Variants in NEK4 observed in about 807,000 individuals in gnomAD.
NEK4 encodes the protein NIMA related kinase 4.
NEK4 carries 86 observed loss-of-function variants against 98.4 expected under a neutral mutation model. The ratio of observed to expected loss-of-function variants is 0.87; its 90% CI spans 0.73 to 1.05. The LOEUF is 1.05. NEK4 is among the 50% of genes least tolerant of loss of function. NEK4 has a pLI of 0.00. For synonymous variants in NEK4, 328 were observed against 342.2 expected (o/e 0.96, Z 0.46); for missense variants, 898 against 950.3 (o/e 0.94, Z 0.72).
intron 6 of NEK4, among the ~76,000 whole-genome samples, chr3:52,758,360 A>G (rs1056739875): frequency 6.6e-6 from 1 of 152,114 alleles, no homozygotes; most frequent in African/African-American, 2.4e-5. Context: ...ATTTAACACC[A>G]CTAAATTGTA....
chr3:52,752,073 C>A lies in NEK4; in HGVS notation c.1227G>T (p.Glu409Asp). The change falls in exon 7 of 16, where the codon GAG becomes GAT. Residue 409 changes from glutamate (E) to aspartate (D), a missense_variant. Transcript: ENST00000233027. Reference protein sequence around the residue: ...GICSISQVEEEMLQDNTKSSA... With the variant: ...GICSISQVEEDMLQDNTKSSA... ...TGGATTTAGTGTTGTCCTGCAGCAT[C>A]TCCTCTTCCACTTGAGAAATACTGC... 1 of 1,614,234 alleles carries A rather than the reference C, an allele frequency of 6.2e-7. No homozygotes were observed. The highest frequency in any genetic ancestry group is 8.5e-7 in the Non-Finnish European group (1 of 1,180,036).
chr3:52,762,363 CT>C (rs376952273), intron 5 of NEK4, among the ~76,000 whole-genome samples: 6 of 151,368 alleles, frequency 4.0e-5, no homozygotes, highest in Non-Finnish European at 8.9e-5. Flanking sequence ...CATATGCCCT[CT>C]TTTTTTTTAT....
intron 15 of NEK4, among the ~76,000 whole-genome samples, chr3:52,736,828 C>G (rs2097376770): frequency 6.6e-6 from 1 of 152,094 alleles, no homozygotes; most frequent in African/African-American, 2.4e-5. Flanking sequence ...AAAAAGAAAA[C>G]TACCAATATA....
intron 15 of NEK4, among the ~76,000 whole-genome samples, chr3:52,724,619 C>T (rs1373423193): frequency 6.6e-6 from 1 of 152,168 alleles, no homozygotes; most frequent in South Asian, 2.1e-4. Flanking sequence ...TCAGATTAAT[C>T]AAATTAATAG....
intron 8 of NEK4, among the ~76,000 whole-genome samples, chr3:52,748,623 T>C (rs957776065): frequency 4.5e-4 from 69 of 152,208 alleles, no homozygotes; most frequent in African/African-American, 1.3e-3. Context: ...AAAAAGACCA[T>C]TGAGCTTGGC....
At chr3:52,712,052 A>G (rs2097350916) in intron 15 of NEK4, among the ~76,000 whole-genome samples, 183 bp from the exon 16 acceptor site, 1 of 152,254 alleles carries the variant, frequency 6.6e-6, no homozygotes. Flanking sequence ...TAAGAAATTA[A>G]AGAGCAAACA....
chr3:52,755,674 T>C (rs2097414038), intron 6 of NEK4, among the ~76,000 whole-genome samples: 1 of 151,574 alleles, frequency 6.6e-6, no homozygotes, highest in Non-Finnish European at 1.5e-5. Context: ...AATATAGTAC[T>C]AGAAGTTCTA....
chr3:52,731,549 T>C (rs1052674105), intron 15 of NEK4, among the ~76,000 whole-genome samples: 2 of 152,128 alleles, frequency 1.3e-5, no homozygotes, highest in African/African-American at 4.8e-5. Context: ...GGTGAGAAAA[T>C]AGTCTTTGCA....
chr3:52,742,403 G>A (rs1339246228), intron 12 of NEK4, among the ~76,000 whole-genome samples: 1 of 151,984 alleles, frequency 6.6e-6, no homozygotes, highest in Non-Finnish European at 1.5e-5. Context: ...CTGTTAAAGT[G>A]CTTTAAAGGA....
chr3:52,728,561 T>G (rs527770430), intron 15 of NEK4, among the ~76,000 whole-genome samples: 1 of 152,212 alleles, frequency 6.6e-6, no homozygotes, highest in Non-Finnish European at 1.5e-5. Flanking sequence ...ACTGTACAAA[T>G]TGATTGTAAA....
chr3:52,724,196 G>A (rs1038959451), intron 15 of NEK4, among the ~76,000 whole-genome samples: 2 of 148,576 alleles, frequency 1.3e-5, no homozygotes, highest in African/African-American at 2.6e-5. Context: ...TGGCGCCACC[G>A]CACTCCACCC....
In NEK4 at chr3:52,711,102, A is replaced by T. The variant is rs1306410060; in HGVS notation, c.*675T>A. 1 of 152,666 alleles carries T rather than the reference A, an allele frequency of 6.6e-6. No homozygotes were observed. The highest frequency in any genetic ancestry group is 1.5e-5 in the Non-Finnish European group (1 of 68,036). The allele number at this position is 152,666 out of a possible 1,614,324, so 9.5% of individuals were successfully genotyped here. A position where few individuals can be genotyped will look rare whatever the true frequency, so the allele number is the denominator to read the frequency against. On this transcript the variant is annotated 3_prime_UTR_variant, in exon 16 of 16. Coordinates refer to ENST00000233027, the MANE Select transcript of NEK4 (RefSeq NM_003157.6). ...AAATGTTTTCACTGATGGAAAAATA[A>T]ATCTAACAAAACCATTATGTAAAAA...
chr3:52,724,396 A>G (rs2097362713), intron 15 of NEK4, among the ~76,000 whole-genome samples: 1 of 152,210 alleles, frequency 6.6e-6, no homozygotes, highest in African/African-American at 2.4e-5. Context: ...GCAGTGGGCT[A>G]ATATATTCAA....
intron 15 of NEK4, chr3:52,733,563 G>A: frequency 2.0e-6 from 1 of 509,236 alleles, no homozygotes; most frequent in Non-Finnish European, 3.9e-6. Flanking sequence ...TTGGTCAATT[G>A]CACGGCATCA....
At position 52,770,709 on chromosome 3, in the gene NEK4, C is replaced by T; in HGVS notation, c.38G>A (p.Gly13Asp). The T allele has an allele frequency of 6.3e-7, 1 of 1,578,140 alleles. No homozygotes were observed. Among genetic ancestry groups the T allele is most frequent in the South Asian group, 1.2e-5 (1 of 86,162 alleles). Residue 13 changes from glycine to aspartate, a missense_variant, in exon 1 of 16, where the codon GGC becomes GAC. Coordinates refer to ENST00000233027, the MANE Select transcript of NEK4 (RefSeq NM_003157.6). ...LAAYCYLRVV[G>D]KGSYGEVTLV... ...CGTCACCTCTCCATAGCTCCCCTTG[C>T]CCACGACCCGCAGGTAGCAGTAGGC...
At chr3:52,768,272 T>C in intron 2 of NEK4, 66 bp downstream of exon 2, 4 of 1,496,872 alleles carry the variant, frequency 2.7e-6, no homozygotes, top group Non-Finnish European at 3.6e-6. Context: ...AAAATTTTCC[T>C]AAAATACACC....
chr3:52,751,858 A>G (rs2097405697), intron 7 of NEK4, 74 bp downstream of exon 7: 3 of 1,377,488 alleles, frequency 2.2e-6, no homozygotes, highest in Admixed American at 2.1e-5. Flanking sequence ...AAATGACAAC[A>G]GAACCCACAT....
At chr3:52,731,458 G>C (rs567017102) in intron 15 of NEK4, among the ~76,000 whole-genome samples, 4 of 152,306 alleles carry the variant, frequency 2.6e-5, no homozygotes, top group African/African-American at 9.6e-5. Context: ...AGTGGCATAA[G>C]GATAGATATA....
chr3:52,750,125 T>C (rs907154751), intron 7 of NEK4, among the ~76,000 whole-genome samples: 1 of 152,214 alleles, frequency 6.6e-6, no homozygotes, highest in Non-Finnish European at 1.5e-5. Context: ...TGAAAATATA[T>C]GTCCACACAG....
Sources: allele counts gnomAD v4.1 joint callset (sites outside exome capture counted in the v4.1 genomes callset), GRCh38; gene constraint gnomAD v4.1.1; transcripts MANE v1.5; gene names NCBI Gene and HGNC (gene_info 2026-07-23, HGNC 2026-07-21).